The following DTNBP1 variants were observed in gnomAD, a reference collection of about 807,000 sequenced individuals.
DTNBP1 encodes dystrobrevin binding protein 1, also known as dysbindin.
DTNBP1 carries 35 observed loss-of-function variants against 42.8 expected under a neutral mutation model. The observed-to-expected ratio is 0.82, with a 90% CI of 0.63 to 1.09. The LOEUF (loss-of-function observed/expected upper bound fraction) is 1.09, where lower values mean the gene tolerates loss of function less well. Ranked by LOEUF, DTNBP1 falls within the 50% of genes least tolerant of loss-of-function variation. DTNBP1 has a pLI of 0.00. For missense variants in DTNBP1, 457 were observed against 424.2 expected (o/e 1.08, Z -0.68); for synonymous variants, 171 against 162.2 (o/e 1.05, Z -0.41).
rs768426567 is a variant in DTNBP1, at chr6:15,627,369, T to C, written c.329A>G (p.Asp110Gly). 6 of 1,613,836 alleles carry C rather than the reference T, an allele frequency of 3.7e-6. No homozygotes were observed. Among genetic ancestry groups the C allele is most frequent in the East Asian group, 2.2e-5 (1 of 44,858 alleles). Residue 110 changes from aspartate to glycine, a missense_variant, in exon 5 of 10, where the codon GAC (aspartate) becomes GGC (glycine). By Grantham distance (94) the Asp-to-Gly change is moderately conservative. Coordinates refer to ENST00000344537, the MANE Select transcript of DTNBP1 (RefSeq NM_032122.5). The stretch of plus-strand genomic sequence containing the variant: ...CAGATTTGCTGTCATGGATTCTAAG[T>C]CTGCGATTAAAGCTGGGAGCTGCTG... ...QLQQLPALIA[D>G]LESMTANLTH...
At chr6:15,578,670 T>C (rs1775687184) in intron 7 of DTNBP1, among the ~76,000 whole-genome samples, 1 of 152,162 alleles carries the variant, frequency 6.6e-6, no homozygotes, top group African/African-American at 2.4e-5. Flanking sequence ...AAGTAAACTA[T>C]AATAAAAACT....
intron 7 of DTNBP1, among the ~76,000 whole-genome samples, chr6:15,539,037 G>T (rs1773407179): frequency 6.6e-6 from 1 of 152,194 alleles, no homozygotes; most frequent in African/African-American, 2.4e-5. Context: ...CCGGAGTCCA[G>T]CAAGCTGGTA....
At chr6:15,526,220 T>C (rs1772376533) in intron 8 of DTNBP1, among the ~76,000 whole-genome samples, 1 of 152,006 alleles carries the variant, frequency 6.6e-6, no homozygotes, top group African/African-American at 2.4e-5. Context: ...AGAGGCATAG[T>C]GAAGGAAGGG....
intron 7 of DTNBP1, among the ~76,000 whole-genome samples, chr6:15,550,741 C>G (rs1581306314): frequency 6.6e-6 from 1 of 152,284 alleles, no homozygotes; most frequent in East Asian, 1.9e-4. Flanking sequence ...CTCCTTCCAC[C>G]AGGAGTCCTT....
At chr6:15,523,729 G>A in intron 9 of DTNBP1, 2 of 1,287,144 alleles carry the variant, frequency 1.6e-6, no homozygotes, top group Non-Finnish European at 2.0e-6. Context: ...CCTGACTCTG[G>A]GTGAGGGTTC....
At chr6:15,593,111 A>T (rs1346585733) in intron 6 of DTNBP1, 30 bp from the exon 7 acceptor site, 5 of 1,546,070 alleles carry the variant, frequency 3.2e-6, no homozygotes, top group Non-Finnish European at 3.5e-6. Context: ...AAGACAAGAC[A>T]ATGCAAATTA....
chr6:15,628,627 G>C (rs943269430), intron 4 of DTNBP1, among the ~76,000 whole-genome samples: 1 of 151,822 alleles, frequency 6.6e-6, no homozygotes, highest in Admixed American at 6.6e-5. Flanking sequence ...GGCTGGTTTT[G>C]AACTCCTGGC....
intron 8 of DTNBP1, among the ~76,000 whole-genome samples, chr6:15,528,640 G>C (rs61125864): frequency 1.3e-5 from 2 of 152,134 alleles, no homozygotes; most frequent in African/African-American, 4.8e-5. Flanking sequence ...ACCAAGTGCC[G>C]GCGAAGATGT....
intron 4 of DTNBP1, among the ~76,000 whole-genome samples, chr6:15,635,802 C>T (rs140195870): frequency 6.6e-6 from 1 of 152,182 alleles, no homozygotes; most frequent in African/African-American, 2.4e-5. Context: ...CCTCAAATTG[C>T]TGTTAAGCAC....
intron 6 of DTNBP1, among the ~76,000 whole-genome samples, chr6:15,600,010 G>A (rs1004217489): frequency 6.6e-6 from 1 of 151,276 alleles, no homozygotes; most frequent in African/African-American, 2.4e-5. Flanking sequence ...TTACAGGCTT[G>A]TTGCCATTTA....
At chr6:15,577,059 A>G (rs910358008) in intron 7 of DTNBP1, among the ~76,000 whole-genome samples, 2 of 152,216 alleles carry the variant, frequency 1.3e-5, no homozygotes, top group African/African-American at 4.8e-5. Context: ...ATGATATACA[A>G]AGTAAAATGT....
In DTNBP1 at chr6:15,627,441, T is replaced by C. The variant is rs1382001981; in HGVS notation, c.257A>G (p.His86Arg). Residue 86 changes from histidine to arginine, a missense_variant, in exon 5 of 10, where the codon CAC becomes CGC. Transcript: ENST00000344537. ...GAGGCTTGTCTTTTTCTTCTCCCAGTGCGCAGAAAGCATGACCACCTCGCT... is the reference window on the plus strand; with the variant it reads ...GAGGCTTGTCTTTTTCTTCTCCCAGCGCGCAGAAAGCATGACCACCTCGCT... ...VDSEVVMLSA[H>R]WEKKKTSLVE... is the part of the protein sequence containing the mutation. 1.2e-6 allele frequency: 2 copies of C among 1,613,944 alleles called. No individual in the cohort carries two copies. Among genetic ancestry groups the C allele is most frequent in the East Asian group, 2.2e-5 (1 of 44,860 alleles).
chr6:15,562,291 T>C (rs1774878560), intron 7 of DTNBP1, among the ~76,000 whole-genome samples: 1 of 152,184 alleles, frequency 6.6e-6, no homozygotes, highest in African/African-American at 2.4e-5. Flanking sequence ...CTGGTAACAA[T>C]ATCATGTTGT....
intron 8 of DTNBP1, among the ~76,000 whole-genome samples, chr6:15,528,989 A>G (rs1772615787): frequency 6.6e-6 from 1 of 152,238 alleles, no homozygotes; most frequent in Non-Finnish European, 1.5e-5. Flanking sequence ...GAGAGAAATT[A>G]TAAGAATGTC....
intron 7 of DTNBP1, among the ~76,000 whole-genome samples, chr6:15,586,746 C>A (rs1249257476): frequency 6.6e-6 from 1 of 152,178 alleles, no homozygotes; most frequent in Non-Finnish European, 1.5e-5. Flanking sequence ...ACCCCCAGCA[C>A]CCCCACACAC....
At chr6:15,552,032 T>C (rs1219362904) in intron 7 of DTNBP1, among the ~76,000 whole-genome samples, 1 of 152,018 alleles carries the variant, frequency 6.6e-6, no homozygotes, top group African/African-American at 2.4e-5. Flanking sequence ...AACAAACAAG[T>C]ACAATCCTCA....
intron 2 of DTNBP1, 82 bp downstream of exon 2, chr6:15,652,005 A>C: frequency 8.2e-7 from 1 of 1,226,176 alleles, no homozygotes; most frequent in Non-Finnish European, 1.2e-6. Context: ...AGGTTCATTA[A>C]TATAACTACA....
intron 7 of DTNBP1, among the ~76,000 whole-genome samples, chr6:15,536,963 G>T (rs1269061559): frequency 1.3e-5 from 2 of 152,198 alleles, no homozygotes; most frequent in Non-Finnish European, 2.9e-5. Flanking sequence ...ACTTGCTTGG[G>T]GCCTGTAGAC....
chr6:15,646,941 T>C (rs1462041315), intron 3 of DTNBP1, among the ~76,000 whole-genome samples: 3 of 151,868 alleles, frequency 2.0e-5, no homozygotes, highest in Admixed American at 1.3e-4. Context: ...AAAACCCTTT[T>C]GGGCACTGGC....
Sources: allele counts gnomAD v4.1 joint callset (sites outside exome capture counted in the v4.1 genomes callset), GRCh38; gene constraint gnomAD v4.1.1; transcripts MANE v1.5; gene names NCBI Gene and HGNC (gene_info 2026-07-23, HGNC 2026-07-21).